UMAD1: variants seen among roughly 807,000 people sequenced by gnomAD.
UMAD1 encodes the protein UBAP1-MVB12-associated (UMA) domain containing 1, also known as UBAP1-MVB12-associated (UMA)-domain containing protein 1.
Under a neutral mutation model 6.1 loss-of-function variants are expected in UMAD1, and 8 were observed. That is an observed-to-expected ratio of 1.30 (90% CI 0.76 to 2.35). The LOEUF is 2.35. Ranked by LOEUF, UMAD1 falls within the 30% of genes most tolerant of loss-of-function variation. The pLI, the probability that UMAD1 is intolerant of heterozygous loss-of-function variation, is 0.00. For missense variants in UMAD1, 130 were observed against 78.4 expected, an observed-to-expected ratio of 1.66 and a Z score of -2.49; for synonymous variants, 56 against 31.4, an observed-to-expected ratio of 1.78 and a Z score of -2.61.
chr7:7,797,121 G>C (rs1009426267), intron 2 of UMAD1, among the ~76,000 whole-genome samples: 1 of 152,194 alleles, frequency 6.6e-6, no homozygotes, highest in African/African-American at 2.4e-5. Context: ...GCCCCAGGAA[G>C]CTTACAATCA....
At chr7:7,663,976 G>C (rs1779367984) in intron 1 of UMAD1, among the ~76,000 whole-genome samples, 1 of 152,162 alleles carries the variant, frequency 6.6e-6, no homozygotes. Context: ...CTACTGATTA[G>C]ATTTAGGCTA....
At chr7:7,797,319 C>T (rs1782705756) in intron 2 of UMAD1, among the ~76,000 whole-genome samples, 1 of 152,156 alleles carries the variant, frequency 6.6e-6, no homozygotes, top group African/African-American at 2.4e-5. Flanking sequence ...CTGCAACATT[C>T]GAGGTTACAT....
chr7:7,827,872 T>C (rs143485599), intron 3 of UMAD1, among the ~76,000 whole-genome samples: 274 of 152,292 alleles, frequency 1.8e-3, no homozygotes, highest in African/African-American at 6.4e-3. Context: ...GTACATGAAG[T>C]TGGAAATATA....
At chr7:7,646,723 G>A (rs1583689210) in intron 1 of UMAD1, among the ~76,000 whole-genome samples, 1 of 151,974 alleles carries the variant, frequency 6.6e-6, no homozygotes, top group South Asian at 2.1e-4. Context: ...CTTGGAGTTC[G>A]GCTGTCCCAT....
At position 7,703,705 on chromosome 7, in the gene UMAD1, C is replaced by T. The variant is rs147824219; in HGVS notation, c.82+30252C>T. 1.6e-3 allele frequency among the ~76,000 whole-genome samples: 248 copies of T among 152,232 alleles called. 1 individual carries two copies. Among genetic ancestry groups the T allele is most frequent in the African/African-American group, 2.5e-3 (103 of 41,530 alleles). On this transcript the variant is annotated intron_variant, in intron 2 of 3. Coordinates refer to ENST00000682710, the MANE Select transcript of UMAD1 (RefSeq NM_001302348.2). ...CAGACATCTCAGCACTTTGGGAAGC[C>T]GAGACTGGCAGATCGCTTGAGCCCA...
chr7:7,769,940 A>G (rs963588829), intron 2 of UMAD1, among the ~76,000 whole-genome samples: 1 of 152,118 alleles, frequency 6.6e-6, no homozygotes, highest in Non-Finnish European at 1.5e-5. Flanking sequence ...CTTTCCTCTC[A>G]CTGTGCTGAT....
chr7:7,762,110 G>A (rs1583806670), intron 2 of UMAD1, among the ~76,000 whole-genome samples: 4 of 152,274 alleles, frequency 2.6e-5, no homozygotes, highest in East Asian at 3.9e-4. Flanking sequence ...GTTTCGGGAT[G>A]TATTTTTTAC....
chr7:7,704,766 CA>C (rs71011001), intron 2 of UMAD1, among the ~76,000 whole-genome samples: 155 of 17,836 alleles, frequency 8.7e-3, no homozygotes, highest in East Asian at 0.06. Context: ...GACTCCATCT[CA>C]AAAAAAAAAA....
At chr7:7,865,577 TTAAA>T (rs779972134) in intron 3 of UMAD1, among the ~76,000 whole-genome samples, 7 of 152,120 alleles carry the variant, frequency 4.6e-5, no homozygotes, top group Admixed American at 3.9e-4. Flanking sequence ...TGAACAGCAA[TTAAA>T]TAAATGGAAT....
At chr7:7,702,848 A>G (rs933059960) in intron 2 of UMAD1, among the ~76,000 whole-genome samples, 2 of 152,164 alleles carry the variant, frequency 1.3e-5, no homozygotes, top group Non-Finnish European at 2.9e-5. Flanking sequence ...GAGACAAGTC[A>G]ACCAGTTTGT....
At chr7:7,778,397 G>T (rs546423798) in intron 2 of UMAD1, among the ~76,000 whole-genome samples, 3 of 151,816 alleles carry the variant, frequency 2.0e-5, no homozygotes, top group African/African-American at 7.2e-5. Flanking sequence ...CAAATTTTCT[G>T]TAGATTTAAA....
At chr7:7,847,102 AAAATATATATATATATATATATAT>A (rs1405657487) in intron 3 of UMAD1, among the ~76,000 whole-genome samples, 215 of 20,258 alleles carry the variant, frequency 0.011, 25 homozygotes, top group African/African-American at 0.018. Context: ...AAAAAAAAAA[AAAATATATATATATATATATATAT>A]ATATATATAT....
At chr7:7,831,809 G>A (rs1783472132) in intron 3 of UMAD1, among the ~76,000 whole-genome samples, 1 of 152,076 alleles carries the variant, frequency 6.6e-6, no homozygotes. Context: ...ATAAGCATGT[G>A]GTATTATTAT....
intron 3 of UMAD1, among the ~76,000 whole-genome samples, chr7:7,871,471 GT>G (rs1212302869): frequency 6.6e-6 from 1 of 152,166 alleles, no homozygotes. Flanking sequence ...CTGTGCCTCA[GT>G]TTCCTCTTGT....
At chr7:7,706,032 T>C (rs1191402281) in intron 2 of UMAD1, among the ~76,000 whole-genome samples, 1 of 152,178 alleles carries the variant, frequency 6.6e-6, no homozygotes, top group Non-Finnish European at 1.5e-5. Context: ...TATTTTTACA[T>C]GGAAAAATAC....
At chr7:7,870,871 G>A (rs1308171854) in intron 3 of UMAD1, among the ~76,000 whole-genome samples, 1 of 152,186 alleles carries the variant, frequency 6.6e-6, no homozygotes, top group Non-Finnish European at 1.5e-5. Context: ...TTACAGCACA[G>A]CTGAAATTCA....
At chr7:7,700,937 C>T (rs559890393) in intron 2 of UMAD1, among the ~76,000 whole-genome samples, 1 of 152,106 alleles carries the variant, frequency 6.6e-6, no homozygotes, top group African/African-American at 2.4e-5. Context: ...GTAGTCCCAC[C>T]TACATGGAAG....
At position 7,877,393 on chromosome 7, in the gene UMAD1, C is replaced by T. The variant is rs1563280954; in HGVS notation, c.269C>T (p.Pro90Leu). ...ATGGCCGAGCTCCTGAGCGATGTGC[C>T]GTTCACCCTGGCCCCGCATGTGCTG... The part of the protein sequence containing the change: ...SLMAELLSDV[P>L]FTLAPHVLAV... Residue 90 changes from proline to leucine, a missense_variant, in exon 4 of 4, where the codon CCG (proline) becomes CTG (leucine). Physicochemically the swap from Pro to Leu is moderately conservative, Grantham distance 98. Coordinates refer to ENST00000682710, the MANE Select transcript of UMAD1 (RefSeq NM_001302348.2). 2 of 717,610 alleles carry T rather than the reference C, an allele frequency of 2.8e-6. No homozygotes were observed. The highest frequency in any genetic ancestry group is 1.5e-5 in the South Asian group (1 of 67,606). The allele number at this position is 717,610 out of a possible 1,614,324, so 44.5% of individuals were successfully genotyped here.
At chr7:7,873,926 T>G (rs1020783680) in intron 3 of UMAD1, among the ~76,000 whole-genome samples, 6 of 152,200 alleles carry the variant, frequency 3.9e-5, no homozygotes, top group Non-Finnish European at 8.8e-5. Flanking sequence ...TCTAATTTTC[T>G]CTCCACTTTC....
Sources: allele counts gnomAD v4.1 joint callset (sites outside exome capture counted in the v4.1 genomes callset), GRCh38; gene constraint gnomAD v4.1.1; transcripts MANE v1.5; gene names NCBI Gene and HGNC (gene_info 2026-07-23, HGNC 2026-07-21).